AMBRA1: variants seen among roughly 807,000 people sequenced by gnomAD.
AMBRA1 encodes activating molecule in BECN1-regulated autophagy protein 1.
AMBRA1 carries 47 observed loss-of-function variants against 125.4 expected under a neutral mutation model. The ratio of observed to expected loss-of-function variants is 0.37; its 90% CI spans 0.30 to 0.48. The LOEUF is 0.48. AMBRA1 is among the 20% of genes least tolerant of loss of function. The pLI, the probability that AMBRA1 is intolerant of heterozygous loss-of-function variation, is 0.99. For synonymous variants in AMBRA1, 626 were observed against 655.5 expected (o/e 0.95, Z 0.69); for missense variants, 1,331 against 1,693.4 (o/e 0.79, Z 3.76).
At chr11:46,569,530 C>T (rs1163968411) in intron 1 of AMBRA1, among the ~76,000 whole-genome samples, 1 of 150,524 alleles carries the variant, frequency 6.6e-6, no homozygotes, top group East Asian at 1.9e-4. Flanking sequence ...CAGATGTTTA[C>T]CATGCTAATG....
chr11:46,458,995 A>G (rs1448704961), intron 11 of AMBRA1, among the ~76,000 whole-genome samples: 1 of 152,248 alleles, frequency 6.6e-6, no homozygotes, highest in Non-Finnish European at 1.5e-5. Context: ...GGAACAGGAC[A>G]AAGCAACTAT....
intron 7 of AMBRA1, among the ~76,000 whole-genome samples, chr11:46,526,589 T>C (rs1347278147): frequency 6.9e-6 from 1 of 144,832 alleles, no homozygotes; most frequent in Admixed American, 6.9e-5. Context: ...CAAGAGGCCA[T>C]GTGGAGAGAA....
At chr11:46,504,894 A>C (rs1950974982) in intron 9 of AMBRA1, among the ~76,000 whole-genome samples, 1 of 152,264 alleles carries the variant, frequency 6.6e-6, no homozygotes, top group Non-Finnish European at 1.5e-5. Flanking sequence ...TGATTTGGTC[A>C]AATGGAAGAG....
intron 7 of AMBRA1, among the ~76,000 whole-genome samples, chr11:46,513,078 ATCT>A (rs1327466216): frequency 6.6e-6 from 1 of 152,286 alleles, no homozygotes; most frequent in East Asian, 1.9e-4. Context: ...CAGAGACATG[ATCT>A]TCTTTCTATT....
chr11:46,456,290 A>G (rs1948839773), intron 11 of AMBRA1, among the ~76,000 whole-genome samples: 1 of 152,192 alleles, frequency 6.6e-6, no homozygotes, highest in African/African-American at 2.4e-5. Flanking sequence ...CAAAGCCTCT[A>G]CCTCTGACAA....
At chr11:46,570,644 A>G (rs935893779) in intron 1 of AMBRA1, among the ~76,000 whole-genome samples, 1 of 152,108 alleles carries the variant, frequency 6.6e-6, no homozygotes, top group Non-Finnish European at 1.5e-5. Flanking sequence ...TTGAACAGTA[A>G]TTTGATTGCT....
At chr11:46,577,739 T>C (rs935123232) in intron 1 of AMBRA1, among the ~76,000 whole-genome samples, 5 of 151,820 alleles carry the variant, frequency 3.3e-5, no homozygotes, top group African/African-American at 1.2e-4. Context: ...TCACCTGAGG[T>C]CGGGAGTTTG....
At position 46,459,739 on chromosome 11, in the gene AMBRA1, T is replaced by TACACAC. The variant is rs56374939; in HGVS notation, c.2522-16147_2522-16142dup. Among the ~76,000 whole-genome samples the TACACAC allele has an allele frequency of 3.8e-3, 421 of 110,288 alleles. 1 individual carries two copies. Among genetic ancestry groups the TACACAC allele is most frequent in the South Asian group, 0.017 (58 of 3,464 alleles). The allele number at this position is 110,288 out of a possible 152,430, so 72.4% of individuals were successfully genotyped here. Reference sequence around the variant, plus strand: ...CCCAAAAAGAAAAAAAAAATACACATACACACACACACACACACACACACA... The same window carrying TACACAC: ...CCCAAAAAGAAAAAAAAAATACACATACACACACACACACACACACACACACACACA... On this transcript the variant is annotated intron_variant, in intron 11 of 17. Coordinates refer to ENST00000683756, the MANE Select transcript of AMBRA1 (RefSeq NM_001387011.1).
chr11:46,441,486 G>C (rs988859638), intron 12 of AMBRA1, among the ~76,000 whole-genome samples: 2 of 151,942 alleles, frequency 1.3e-5, no homozygotes, highest in African/African-American at 4.8e-5. Flanking sequence ...CTGCACCCCA[G>C]CCTGGTGACA....
chr11:46,454,227 C>T (rs1948744796), intron 11 of AMBRA1, among the ~76,000 whole-genome samples: 1 of 151,798 alleles, frequency 6.6e-6, no homozygotes, highest in Admixed American at 6.6e-5. Context: ...CGGGGTCTTG[C>T]TGTGTTGCCC....
rs1333400342 is a variant in AMBRA1 at position 46,545,169 on chromosome 11, G to A, written c.551+435C>T. On this transcript the variant is annotated intron_variant, in intron 5 of 17. Coordinates refer to ENST00000683756, the MANE Select transcript of AMBRA1 (RefSeq NM_001387011.1). ...AAAAAAAAAAAAAAAGCCGGGGGGG[G>A]GGGGGTGGTGGTGGGCATGGTGGCT... Among the ~76,000 whole-genome samples, 9 of 142,894 alleles carry A rather than the reference G, an allele frequency of 6.3e-5. 2 individuals are homozygous for A. Among genetic ancestry groups the A allele is most frequent in the Non-Finnish European group, 1.1e-4 (7 of 64,996 alleles). The allele number at this position is 142,894 out of a possible 152,430, so 93.7% of individuals were successfully genotyped here.
chr11:46,473,996 TA>T (rs1309160705), intron 11 of AMBRA1, among the ~76,000 whole-genome samples: 1 of 152,188 alleles, frequency 6.6e-6, no homozygotes, highest in Admixed American at 6.5e-5. Context: ...TTTTTCCTGT[TA>T]AAAATTCCCA....
At chr11:46,550,930 CAAAA>C (rs1159824681) in intron 1 of AMBRA1, among the ~76,000 whole-genome samples, 8 of 64,904 alleles carry the variant, frequency 1.2e-4, no homozygotes, top group Non-Finnish European at 2.4e-4. Flanking sequence ...ACTAAAAATA[CAAAA>C]AAAAAAAAAA....
In AMBRA1 at chr11:46,397,787, C is replaced by T. The variant is rs1451510729; in HGVS notation, c.3560G>A (p.Arg1187His). The change falls in exon 18 of 18, where the codon CGC (arginine) becomes CAC (histidine). Residue 1187 changes from arginine to histidine, a missense_variant. Coordinates refer to ENST00000683756, the MANE Select transcript of AMBRA1 (RefSeq NM_001387011.1). Reference sequence around the variant, plus strand: ...GCCCGTCTGAGAGCTGCGGTGAATGCGGTGGCTGACGATGATGTTGTTGCC... The same window carrying T: ...GCCCGTCTGAGAGCTGCGGTGAATGTGGTGGCTGACGATGATGTTGTTGCC... ...GFGNNIIVSH[R>H]IHRSSQTGTE... 17 of 1,610,264 alleles carry T rather than the reference C, an allele frequency of 1.1e-5. No homozygotes were observed. Among genetic ancestry groups the T allele is most frequent in the East Asian group, 2.2e-5 (1 of 44,892 alleles).
In AMBRA1 at chr11:46,512,817, G is replaced by C; in HGVS notation, c.2073-4C>G. The stretch of plus-strand genomic sequence containing the variant: ...GAGGGAAGATTCCAGCAGCCTCCTA[G>C]CAGAGATTAAAAAAATGGCAATAAT... On this transcript the variant is annotated splice_region_variant and splice_polypyrimidine_tract_variant and intron_variant, in intron 7 of 17. Coordinates refer to ENST00000683756, the MANE Select transcript of AMBRA1 (RefSeq NM_001387011.1). 6.2e-7 allele frequency: 1 copy of C among 1,608,166 alleles called. No homozygotes were observed. Among genetic ancestry groups the C allele is most frequent in the Non-Finnish European group, 8.5e-7 (1 of 1,177,136 alleles).
At chr11:46,469,639 T>A (rs1565191516) in intron 11 of AMBRA1, among the ~76,000 whole-genome samples, 1 of 152,138 alleles carries the variant, frequency 6.6e-6, no homozygotes, top group South Asian at 2.1e-4. Flanking sequence ...AATCTAAGAA[T>A]AAGACTTAGC....
rs1393814772 is a variant in AMBRA1 at position 46,508,224 on chromosome 11, A to G, written c.2306T>C (p.Val769Ala). 1.9e-6 allele frequency: 3 copies of G among 1,614,158 alleles called. No individual in the cohort carries two copies. Among genetic ancestry groups the G allele is most frequent in the South Asian group, 2.2e-5 (2 of 91,082 alleles). Residue 769 changes from valine to alanine, a missense_variant, in exon 9 of 18, where the codon GTA (valine) becomes GCA (alanine). By Grantham distance (64) the Val-to-Ala change is moderately conservative. This residue lies in a region of AMBRA1 where 689 missense variants were observed against 776.5 expected (regional missense o/e 0.89). Coordinates refer to ENST00000683756, the MANE Select transcript of AMBRA1 (RefSeq NM_001387011.1). ...CTCAAATTCCAAGTCGGTTCCCTCT[A>G]CTGATGGACCCTGGTTGTCTGAGGA... The part of the protein sequence containing the change: ...SSSSDNQGPS[V>A]EGTDLEFEDF...
intron 5 of AMBRA1, among the ~76,000 whole-genome samples, chr11:46,545,174 G>A (rs1270547404): frequency 2.7e-5 from 2 of 75,048 alleles, no homozygotes; most frequent in African/African-American, 6.4e-5. Flanking sequence ...GGGGGGGGGG[G>A]TGGTGGTGGG....
rs553861035 is a variant in AMBRA1, at chr11:46,554,293, G to T, written c.-120-5793C>A. ...CTAAAAATAAAAAATAAAAAAAACC[G>T]ACCTTCCGACCTCCTGTTACTCAAG... On this transcript the variant is annotated intron_variant, in intron 1 of 17. Coordinates refer to ENST00000683756, the MANE Select transcript of AMBRA1 (RefSeq NM_001387011.1). Among the ~76,000 whole-genome samples the T allele has an allele frequency of 2.0e-5, 3 of 152,088 alleles. No homozygotes were observed. The East Asian group carries it at 5.8e-4, about 29-fold the overall frequency.
Sources: gnomAD v4.1 joint callset for allele counts (sites outside exome capture counted in the v4.1 genomes callset) on GRCh38, gnomAD v4.1.1 for gene constraint, gnomAD v4.1.1 regional missense constraint, MANE v1.5 for transcripts, NCBI Gene and HGNC (gene_info 2026-07-23, HGNC 2026-07-21) for gene names.